The following DPP10 variants were observed in gnomAD, a reference collection of about 807,000 sequenced individuals.
DPP10 encodes dipeptidyl peptidase like 10.
In DPP10, 33 loss-of-function variants were observed where a neutral mutation model predicts 120.9. The ratio of observed to expected loss-of-function variants is 0.27; its 90% CI spans 0.21 to 0.37. The LOEUF (loss-of-function observed/expected upper bound fraction) is 0.37, where lower values mean the gene tolerates loss of function less well. DPP10 is among the 10% of genes least tolerant of loss of function. DPP10 has a pLI of 1.00. For synonymous variants in DPP10, 337 were observed against 326.1 expected, an observed-to-expected ratio of 1.03 and a Z score of -0.36; for missense variants, 816 against 942.8, an observed-to-expected ratio of 0.87 and a Z score of 1.76.
At chr2:115,637,595 A>T (rs1350430793) in intron 5 of DPP10, among the ~76,000 whole-genome samples, 1 of 152,224 alleles carries the variant, frequency 6.6e-6, no homozygotes, top group Non-Finnish European at 1.5e-5. Context: ...TTCCAAGACC[A>T]CAAAGAAACT....
chr2:115,574,069 C>G (rs1553452660), intron 5 of DPP10, among the ~76,000 whole-genome samples: 1 of 152,114 alleles, frequency 6.6e-6, no homozygotes, highest in Non-Finnish European at 1.5e-5. Flanking sequence ...CATCTGCCAT[C>G]CATTCATCCA....
intron 2 of DPP10, among the ~76,000 whole-genome samples, chr2:115,322,237 G>A (rs1433049049): frequency 2.6e-5 from 4 of 151,984 alleles, no homozygotes; most frequent in Admixed American, 2.6e-4. Flanking sequence ...TTCTTTGGTA[G>A]AATATTTTAA....
At chr2:115,595,491 A>G (rs1227748413) in intron 5 of DPP10, among the ~76,000 whole-genome samples, 4 of 152,116 alleles carry the variant, frequency 2.6e-5, no homozygotes, top group South Asian at 2.1e-4. Context: ...GAGCAGATCA[A>G]TGTTCCAAGA....
intron 1 of DPP10, among the ~76,000 whole-genome samples, chr2:114,755,796 G>A (rs1473576819): frequency 6.6e-6 from 1 of 152,146 alleles, no homozygotes; most frequent in Non-Finnish European, 1.5e-5. Flanking sequence ...ATAGGGAGTA[G>A]TCACACACAT....
At chr2:114,803,896 T>C (rs1684486900) in intron 1 of DPP10, among the ~76,000 whole-genome samples, 2 of 152,230 alleles carry the variant, frequency 1.3e-5, no homozygotes, top group Non-Finnish European at 2.9e-5. Flanking sequence ...AGGAGCCTAA[T>C]GTTAATCCCC....
At chr2:115,570,446 T>C (rs560035389) in intron 5 of DPP10, among the ~76,000 whole-genome samples, 1 of 152,332 alleles carries the variant, frequency 6.6e-6, no homozygotes, top group East Asian at 1.9e-4. Flanking sequence ...GGGTAAAATA[T>C]ATGGTTGAGT....
intron 4 of DPP10, among the ~76,000 whole-genome samples, chr2:115,520,656 T>C (rs1338146338): frequency 1.3e-5 from 2 of 152,230 alleles, no homozygotes; most frequent in Non-Finnish European, 2.9e-5. Flanking sequence ...AAGTCCTTTA[T>C]ACCAACTTGT....
intron 1 of DPP10, among the ~76,000 whole-genome samples, chr2:114,482,152 G>T (rs186565219): frequency 1.3e-3 from 194 of 152,214 alleles, no homozygotes; most frequent in African/African-American, 4.3e-3. Flanking sequence ...ATATTTGGGT[G>T]AGAACACAGA....
At chr2:115,734,419 G>T (rs1207309003) in intron 8 of DPP10, among the ~76,000 whole-genome samples, 1 of 152,054 alleles carries the variant, frequency 6.6e-6, no homozygotes, top group Non-Finnish European at 1.5e-5. Flanking sequence ...GCACTGGGAG[G>T]CCGAGGTGGG....
chr2:114,453,730 A>G (rs577356857), intron 1 of DPP10, among the ~76,000 whole-genome samples: 9 of 152,306 alleles, frequency 5.9e-5, no homozygotes, highest in African/African-American at 1.7e-4. Flanking sequence ...CCCCCTCCAA[A>G]GAAATACCTT....
chr2:115,679,375 G>A (rs752214241), intron 5 of DPP10, among the ~76,000 whole-genome samples: 2 of 152,062 alleles, frequency 1.3e-5, no homozygotes, highest in Non-Finnish European at 2.9e-5. Context: ...GAGATCTGAT[G>A]GTTTTATAGA....
At chr2:115,199,770 T>C (rs1342361922) in intron 1 of DPP10, among the ~76,000 whole-genome samples, 1 of 152,222 alleles carries the variant, frequency 6.6e-6, no homozygotes, top group African/African-American at 2.4e-5. Flanking sequence ...TTGCTTTTTC[T>C]TCACTGTTTT....
intron 1 of DPP10, among the ~76,000 whole-genome samples, chr2:114,702,859 C>A (rs1010951574): frequency 1.3e-5 from 2 of 152,134 alleles, no homozygotes; most frequent in Non-Finnish European, 2.9e-5. Context: ...AGGAAAACCC[C>A]AGAAGATAGT....
At position 115,237,143 on chromosome 2, in the gene DPP10, TTC is replaced by T. The variant is rs201672089; in HGVS notation, c.61-72095_61-72094del. On this transcript the variant is annotated intron_variant, in intron 1 of 25. Transcript: ENST00000410059. The stretch of plus-strand genomic sequence containing the variant: ...GCTTTGCAGACAATGCATTTTTTTT[TTC>T]CAAATGAAAAATTTTTGGCATCATT... Among the ~76,000 whole-genome samples, 5 of 151,212 alleles carry T rather than the reference TTC, an allele frequency of 3.3e-5. No individual in the cohort carries two copies. The East Asian group carries it at 6.1e-4, about 19-fold the overall frequency.
At chr2:114,519,006 A>G (rs547987961) in intron 1 of DPP10, among the ~76,000 whole-genome samples, 5 of 152,326 alleles carry the variant, frequency 3.3e-5, no homozygotes, top group African/African-American at 7.2e-5. Context: ...ACACTGTTTG[A>G]AGAAAAGGTT....
At chr2:114,939,118 AAGCT>A (rs1019063014) in intron 1 of DPP10, among the ~76,000 whole-genome samples, 2 of 152,100 alleles carry the variant, frequency 1.3e-5, no homozygotes, top group Non-Finnish European at 2.9e-5. Flanking sequence ...CTTAGAAAAA[AAGCT>A]AGAGAAAAGA....
intron 1 of DPP10, among the ~76,000 whole-genome samples, chr2:114,903,146 C>T (rs1693712668): frequency 6.6e-6 from 1 of 152,002 alleles, no homozygotes; most frequent in African/African-American, 2.4e-5. Flanking sequence ...TCTTTTTAGT[C>T]ATGAATAATA....
chr2:114,516,702 C>T (rs1455834843), intron 1 of DPP10, among the ~76,000 whole-genome samples: 1 of 152,198 alleles, frequency 6.6e-6, no homozygotes, highest in Non-Finnish European at 1.5e-5. Context: ...ATACCAAATG[C>T]AGGCTTCTAA....
At chr2:115,282,943 T>A (rs113376851) in intron 1 of DPP10, among the ~76,000 whole-genome samples, 36 of 152,218 alleles carry the variant, frequency 2.4e-4, no homozygotes, top group African/African-American at 6.0e-4. Context: ...TTGCTTTTTT[T>A]AAAAAAAGTC....
Sources: allele counts gnomAD v4.1 joint callset (sites outside exome capture counted in the v4.1 genomes callset), GRCh38; gene constraint gnomAD v4.1.1; transcripts MANE v1.5; gene names NCBI Gene and HGNC (gene_info 2026-07-23, HGNC 2026-07-21).